Variants in CPN1 observed in about 807,000 individuals in gnomAD.
CPN1 encodes the protein carboxypeptidase N catalytic chain.
In CPN1, 37 loss-of-function variants were observed where a neutral mutation model predicts 46.4. The observed-to-expected ratio is 0.80, with a 90% confidence interval of 0.61 to 1.05. The LOEUF (loss-of-function observed/expected upper bound fraction) is 1.05, where lower values mean the gene tolerates loss of function less well. Ranked by LOEUF, CPN1 falls within the 50% of genes least tolerant of loss-of-function variation. CPN1 has a pLI of 0.00. For synonymous variants in CPN1, 224 were observed against 235.4 expected, an observed-to-expected ratio of 0.95 and a Z score of 0.44; for missense variants, 563 against 602.6, an observed-to-expected ratio of 0.93 and a Z score of 0.69.
At chr10:100,050,779 T>C (rs1647137158) in intron 7 of CPN1, among the ~76,000 whole-genome samples, 2 of 152,142 alleles carry the variant, frequency 1.3e-5, no homozygotes, top group African/African-American at 4.8e-5. Context: ...CACACACCAC[T>C]GTGACTGGTA....
intron 8 of CPN1, among the ~76,000 whole-genome samples, chr10:100,042,979 A>C (rs2041286647): frequency 6.6e-6 from 1 of 151,668 alleles, no homozygotes; most frequent in Non-Finnish European, 1.5e-5. Context: ...CTATAGTCCC[A>C]GCTACTCAGG....
At chr10:100,058,373 T>C (rs888299959) in intron 5 of CPN1, among the ~76,000 whole-genome samples, 3 of 152,136 alleles carry the variant, frequency 2.0e-5, no homozygotes, top group Admixed American at 6.6e-5. Context: ...CCTTCTCCTA[T>C]CTAAGAACAC....
At chr10:100,054,811 A>T (rs1004038927) in intron 6 of CPN1, among the ~76,000 whole-genome samples, 1 of 146,322 alleles carries the variant, frequency 6.8e-6, no homozygotes, top group African/African-American at 2.5e-5. Context: ...GTCCAGCCAC[A>T]CTGGTGTCCT....
At chr10:100,070,639 A>G (rs1276009313) in intron 2 of CPN1, among the ~76,000 whole-genome samples, 1 of 152,182 alleles carries the variant, frequency 6.6e-6, no homozygotes, top group Non-Finnish European at 1.5e-5. Context: ...AAGAAGATGA[A>G]TCATTTTCTA....
intron 2 of CPN1, among the ~76,000 whole-genome samples, chr10:100,073,816 T>C (rs2041499428): frequency 1.3e-5 from 2 of 152,054 alleles, no homozygotes; most frequent in Non-Finnish European, 2.9e-5. Flanking sequence ...GGTTTCTCCA[T>C]GTTGGTCAGG....
chr10:100,066,539 CT>C (rs1454990251), intron 3 of CPN1, among the ~76,000 whole-genome samples: 1 of 152,204 alleles, frequency 6.6e-6, no homozygotes, highest in African/African-American at 2.4e-5. Context: ...ATGGGCCAGT[CT>C]TGGCTAAGCA....
At chr10:100,062,013 G>A (rs1429598383) in intron 5 of CPN1, among the ~76,000 whole-genome samples, 1 of 151,932 alleles carries the variant, frequency 6.6e-6, no homozygotes, top group Admixed American at 6.6e-5. Context: ...GCCGTGCCTT[G>A]TATTCAAGCG....
intron 5 of CPN1, 142 bp downstream of exon 5, chr10:100,063,472 G>C (rs1320051887): frequency 6.8e-6 from 5 of 730,964 alleles, no homozygotes. Context: ...ATGCCAACCT[G>C]AGACTTCCTC....
intron 5 of CPN1, among the ~76,000 whole-genome samples, chr10:100,060,696 A>T (rs2041411629): frequency 6.6e-6 from 1 of 152,270 alleles, no homozygotes; most frequent in South Asian, 2.1e-4. Context: ...CTCTCCAAAT[A>T]GTATGGAGGT....
chr10:100,044,171 G>C (rs912291247), intron 8 of CPN1, among the ~76,000 whole-genome samples: 2 of 152,064 alleles, frequency 1.3e-5, no homozygotes, highest in African/African-American at 2.4e-5. Context: ...AGTTCCTCCA[G>C]GAGGGAAGGG....
At position 100,081,514 on chromosome 10, in the gene CPN1, C is replaced by A. The variant is rs1658503833; in HGVS notation, c.112G>T (p.Val38Leu). The A allele has an allele frequency of 4.3e-6, 7 of 1,614,176 alleles. No individual in the cohort carries two copies. Among genetic ancestry groups the A allele is most frequent in the Non-Finnish European group, 5.9e-6 (7 of 1,180,038 alleles). ...YDDLVRTLYK[V>L]QNECPGITRV... Reference sequence around the variant, plus strand: ...GTGATGCCGGGGCATTCGTTTTGCACCTTGTACAGCGTCCGCACAAGATCA... The same window carrying A: ...GTGATGCCGGGGCATTCGTTTTGCAACTTGTACAGCGTCCGCACAAGATCA... Residue 38 changes from valine (V) to leucine (L), a missense_variant, in exon 1 of 9, where the codon GTG (valine) becomes TTG (leucine). Val to Leu is a conservative substitution (Grantham distance 32, BLOSUM62 1). Coordinates refer to ENST00000370418, the MANE Select transcript of CPN1 (RefSeq NM_001308.3).
intron 2 of CPN1, among the ~76,000 whole-genome samples, chr10:100,075,640 C>T (rs1195842281): frequency 6.6e-6 from 1 of 152,142 alleles, no homozygotes; most frequent in Non-Finnish European, 1.5e-5. Context: ...CCACATTAAT[C>T]CTCACAATAA....
In CPN1 at chr10:100,067,336, G is replaced by A. The variant is rs183601252; in HGVS notation, c.577-1966C>T. Among the ~76,000 whole-genome samples the A allele has an allele frequency of 6.7e-3, 1,025 of 152,182 alleles. 15 individuals carry two copies. The highest frequency in any genetic ancestry group is 0.023 in the African/African-American group (945 of 41,534). The stretch of plus-strand genomic sequence containing the variant: ...TCACCATGTTAGCCAGGCTGGTCTC[G>A]AACTCCTGACCTCAGCTGATCTGCC... On this transcript the variant is annotated intron_variant, in intron 3 of 8. Transcript: ENST00000370418.
chr10:100,057,076 G>T lies in CPN1; in HGVS notation c.948C>A (p.Pro316=). Residue 316 remains proline (P), a synonymous_variant, in exon 6 of 9, where the codon CCC becomes CCA. Coordinates refer to ENST00000370418, the MANE Select transcript of CPN1 (RefSeq NM_001308.3). ...TLELSCDKFP[P]EEELQREWLG... ...GCCACTCCCGCTGTAACTCCTCTTC[G>T]GGGGGAAACTTGTCGCAACTCAGTT... 1 of 1,614,028 alleles carries T rather than the reference G, an allele frequency of 6.2e-7. No homozygotes were observed. Among genetic ancestry groups the T allele is most frequent in the Non-Finnish European group, 8.5e-7 (1 of 1,179,966 alleles).
At chr10:100,073,976 C>T (rs779241775) in intron 2 of CPN1, among the ~76,000 whole-genome samples, 4 of 152,064 alleles carry the variant, frequency 2.6e-5, no homozygotes, top group Non-Finnish European at 5.9e-5. Flanking sequence ...TGACTGTGAC[C>T]TTTGGCCTCC....
chr10:100,047,958 C>T (rs1317198781), intron 8 of CPN1, among the ~76,000 whole-genome samples: 1 of 152,138 alleles, frequency 6.6e-6, no homozygotes, highest in Non-Finnish European at 1.5e-5. Context: ...TGCCATTGCA[C>T]TCCAGCCTGG....
At chr10:100,072,462 G>T (rs977274606) in intron 2 of CPN1, among the ~76,000 whole-genome samples, 6 of 152,052 alleles carry the variant, frequency 3.9e-5, no homozygotes, top group Non-Finnish European at 8.8e-5. Flanking sequence ...GAGCCACTAC[G>T]GCCTTATGTT....
At chr10:100,078,396 A>G (rs148112202) in intron 1 of CPN1, among the ~76,000 whole-genome samples, 243 of 152,274 alleles carry the variant, frequency 1.6e-3, no homozygotes, top group Middle Eastern at 6.8e-3. Context: ...CACTGCTACC[A>G]TTTTGGTTCA....
intron 8 of CPN1, among the ~76,000 whole-genome samples, chr10:100,045,735 GGTT>G (rs541668888): frequency 9.8e-5 from 15 of 152,292 alleles, no homozygotes; most frequent in Middle Eastern, 6.8e-3. Flanking sequence ...TACCTCACAG[GGTT>G]GTTGTGAAGG....
Sources: gnomAD v4.1 joint callset for allele counts (sites outside exome capture counted in the v4.1 genomes callset) on GRCh38, gnomAD v4.1.1 for gene constraint, MANE v1.5 for transcripts, NCBI Gene and HGNC (gene_info 2026-07-23, HGNC 2026-07-21) for gene names.